The following GPC5 variants were observed in gnomAD, a reference collection of about 807,000 sequenced individuals.
The protein encoded by GPC5 is glypican 5.
Under a neutral mutation model 53.9 loss-of-function variants are expected in GPC5, and 47 were observed. The ratio of observed to expected loss-of-function variants is 0.87; its 90% CI spans 0.69 to 1.11. The LOEUF (loss-of-function observed/expected upper bound fraction) is 1.11. Ranked by LOEUF, GPC5 falls within the 50% of genes most tolerant of loss-of-function variation. The pLI, the probability that GPC5 is intolerant of heterozygous loss-of-function variation, is 0.00. For missense variants in GPC5, 748 were observed against 713.1 expected (o/e 1.05, Z -0.56); for synonymous variants, 286 against 263.3 (o/e 1.09, Z -0.84).
intron 4 of GPC5, among the ~76,000 whole-genome samples, chr13:91,736,996 C>T (rs1482721500): frequency 2.6e-5 from 4 of 151,054 alleles, no homozygotes; most frequent in Non-Finnish European, 5.9e-5. Flanking sequence ...CCCAGCTATT[C>T]GGGAGGCTGA....
At chr13:91,807,772 G>A (rs1201812027) in intron 5 of GPC5, among the ~76,000 whole-genome samples, 3 of 152,120 alleles carry the variant, frequency 2.0e-5, no homozygotes, top group African/African-American at 7.2e-5. Flanking sequence ...TCAAATGGAA[G>A]ATCAATCATG....
chr13:91,650,592 A>G (rs1436530025), intron 2 of GPC5, among the ~76,000 whole-genome samples: 3 of 152,100 alleles, frequency 2.0e-5, no homozygotes, highest in Admixed American at 6.6e-5. Context: ...TGGAGAATAT[A>G]AAATATACTT....
intron 2 of GPC5, among the ~76,000 whole-genome samples, chr13:91,509,029 A>G (rs909383706): frequency 7.9e-5 from 12 of 152,114 alleles, no homozygotes; most frequent in African/African-American, 2.9e-4. Flanking sequence ...GTCTGGTAAA[A>G]TGTTATAAAG....
Position 92,379,340 on chromosome 13 carries a change from G to A in GPC5, c.1561+234351G>A, listed in dbSNP as rs537384944. Among the ~76,000 whole-genome samples, 10 of 152,322 alleles carry A rather than the reference G, an allele frequency of 6.6e-5. No individual in the cohort carries two copies. In the South Asian group the frequency reaches 1.9e-3, roughly 28 times the overall value. On this transcript the variant is annotated intron_variant, in intron 7 of 7. Coordinates refer to ENST00000377067, the MANE Select transcript of GPC5 (RefSeq NM_004466.6). ...GGCCCCAGTTTGAGAGACCTGAAATGCAGAAGAGCTGCACTTTTTTATTTT... is the reference window on the plus strand; with the variant it reads ...GGCCCCAGTTTGAGAGACCTGAAATACAGAAGAGCTGCACTTTTTTATTTT...
chr13:92,084,082 T>C (rs2041317609), intron 6 of GPC5, among the ~76,000 whole-genome samples: 1 of 151,998 alleles, frequency 6.6e-6, no homozygotes, highest in Non-Finnish European at 1.5e-5. Context: ...TGAGAACACA[T>C]GGACACAGGG....
intron 7 of GPC5, among the ~76,000 whole-genome samples, chr13:92,854,611 C>T (rs9561183): frequency 0.094 from 14,223 of 151,924 alleles, 957 homozygotes; most frequent in East Asian, 0.33. Flanking sequence ...AAAAATATCA[C>T]TGACTTTTCT....
intron 1 of GPC5, among the ~76,000 whole-genome samples, chr13:91,426,662 C>A (rs537276392): frequency 1.9e-4 from 29 of 152,272 alleles, no homozygotes; most frequent in African/African-American, 6.5e-4. Context: ...CAGGAAGCAT[C>A]CATCATGGGA....
intron 1 of GPC5, among the ~76,000 whole-genome samples, chr13:91,436,492 A>T (rs1397696464): frequency 6.6e-6 from 1 of 151,870 alleles, no homozygotes; most frequent in Non-Finnish European, 1.5e-5. Flanking sequence ...TGTAGTTGAG[A>T]GGTTTTGAGG....
chr13:91,838,457 C>T (rs1268921556), intron 5 of GPC5, among the ~76,000 whole-genome samples: 1 of 151,912 alleles, frequency 6.6e-6, no homozygotes. Flanking sequence ...GTTTCTTGAT[C>T]TTGTTTTTAA....
intron 7 of GPC5, among the ~76,000 whole-genome samples, chr13:92,784,536 C>T (rs1016943283): frequency 1.3e-5 from 2 of 151,726 alleles, no homozygotes; most frequent in Admixed American, 6.6e-5. Context: ...TAAAAGGTCA[C>T]TTCATCTGTG....
chr13:91,702,985 T>C (rs193089408), intron 3 of GPC5, among the ~76,000 whole-genome samples: 18 of 152,232 alleles, frequency 1.2e-4, no homozygotes, highest in Admixed American at 8.5e-4. Flanking sequence ...TGATTAGTGA[T>C]ATTAAGCATT....
intron 7 of GPC5, among the ~76,000 whole-genome samples, chr13:92,408,609 C>G (rs1031993157): frequency 4.7e-5 from 7 of 148,020 alleles, no homozygotes; most frequent in African/African-American, 1.8e-4. Flanking sequence ...CTCCTGCGAT[C>G]TACCTTATAT....
intron 4 of GPC5, among the ~76,000 whole-genome samples, chr13:91,747,948 C>T (rs573765970): frequency 6.6e-6 from 1 of 152,322 alleles, no homozygotes; most frequent in South Asian, 2.1e-4. Context: ...GACTAAGTCA[C>T]TGGTTCTCAA....
At chr13:92,454,271 G>C (rs1368627406) in intron 7 of GPC5, among the ~76,000 whole-genome samples, 1 of 152,070 alleles carries the variant, frequency 6.6e-6, no homozygotes, top group Non-Finnish European at 1.5e-5. Flanking sequence ...TCATAAATGT[G>C]ACTTGTCTTT....
intron 7 of GPC5, among the ~76,000 whole-genome samples, chr13:92,285,983 T>A (rs61966612): frequency 0.044 from 6,646 of 151,694 alleles, 196 homozygotes; most frequent in Non-Finnish European, 0.069. Context: ...AAATTTTTGC[T>A]ATCTACTCAT....
At chr13:91,934,131 G>A (rs1314301951) in intron 6 of GPC5, among the ~76,000 whole-genome samples, 4 of 151,852 alleles carry the variant, frequency 2.6e-5, no homozygotes, top group African/African-American at 9.7e-5. Flanking sequence ...TTATGAAGTG[G>A]CTATAAAACT....
intron 1 of GPC5, among the ~76,000 whole-genome samples, chr13:91,429,966 T>C (rs1000699729): frequency 1.8e-4 from 27 of 152,208 alleles, no homozygotes; most frequent in Non-Finnish European, 4.0e-4. Context: ...GATTATACAC[T>C]CTGGCAGCAG....
At chr13:91,866,900 A>G (rs541503215) in intron 5 of GPC5, among the ~76,000 whole-genome samples, 1 of 152,328 alleles carries the variant, frequency 6.6e-6, no homozygotes, top group African/African-American at 2.4e-5. Flanking sequence ...ACCAGCTTCC[A>G]CTATTGAAGT....
At chr13:91,680,135 C>T (rs1436184974) in intron 2 of GPC5, among the ~76,000 whole-genome samples, 10 of 152,142 alleles carry the variant, frequency 6.6e-5, no homozygotes, top group African/African-American at 2.2e-4. Flanking sequence ...ATCACCATGA[C>T]CTTGACAGTT....
Sources: gnomAD v4.1 joint callset for allele counts (sites outside exome capture counted in the v4.1 genomes callset) on GRCh38, gnomAD v4.1.1 for gene constraint, MANE v1.5 for transcripts, NCBI Gene and HGNC (gene_info 2026-07-23, HGNC 2026-07-21) for gene names.